PIWIL4: variants seen among roughly 807,000 people sequenced by gnomAD.
PIWIL4 encodes piwi-like protein 4.
PIWIL4 carries 50 observed loss-of-function variants against 100.9 expected under a neutral mutation model. That is an observed-to-expected ratio of 0.50 (90% CI 0.39 to 0.63). The LOEUF (loss-of-function observed/expected upper bound fraction) is 0.63, where lower values mean the gene tolerates loss of function less well. Ranked by LOEUF, PIWIL4 falls within the 20% of genes least tolerant of loss-of-function variation. The pLI, the probability that PIWIL4 is intolerant of heterozygous loss-of-function variation, is 0.00. For missense variants in PIWIL4, 887 were observed against 1,043.3 expected (o/e 0.85, Z 2.06); for synonymous variants, 342 against 367.5 (o/e 0.93, Z 0.79).
Position 94,577,408 on chromosome 11 carries a change from AC to A in PIWIL4, c.430del (p.Leu144PhefsTer25). 2.5e-6 allele frequency: 4 copies of A among 1,614,136 alleles called. No homozygotes were observed. The highest frequency in any genetic ancestry group is 3.4e-6 in the Non-Finnish European group (4 of 1,180,010). On this transcript the variant is annotated frameshift_variant, in exon 4 of 20. Transcript: ENST00000299001. LOFTEE classifies it high-confidence loss of function. ...LASRRLRIAL[L>X]YSHSELSNKA... ...CATCTAGAAGGCTGAGAATTGCTTT[AC>A]TTTATAGTCATAGTGAACTTTCCAA...
chr11:94,588,139 G>A (rs530712677), intron 7 of PIWIL4, among the ~76,000 whole-genome samples: 19 of 151,622 alleles, frequency 1.3e-4, no homozygotes, highest in Admixed American at 9.9e-4. Context: ...AGGCCCCAGC[G>A]TGTGTTTTTC....
In PIWIL4 at chr11:94,574,135, A is replaced by G. The variant is rs146193214; in HGVS notation, c.167-864A>G. Among the ~76,000 whole-genome samples the G allele has an allele frequency of 2.9e-4, 44 of 152,352 alleles. No individual in the cohort carries two copies. In the East Asian group the frequency reaches 7.5e-3, roughly 26 times the overall value. ...GTCAGCATCCCCCGTACTAATTTAA[A>G]CAGAAAATACTCATTTGGAAACAGA... On this transcript the variant is annotated intron_variant, in intron 2 of 19. Coordinates refer to ENST00000299001, the MANE Select transcript of PIWIL4 (RefSeq NM_152431.3).
At chr11:94,595,509 G>C in intron 10 of PIWIL4, 83 bp downstream of exon 10, 1 of 1,063,174 alleles carries the variant, frequency 9.4e-7, no homozygotes, top group Non-Finnish European at 1.4e-6. Flanking sequence ...ATTCCTTGAA[G>C]GAAATGTGTC....
chr11:94,579,564 C>T (rs1948286355), intron 4 of PIWIL4, among the ~76,000 whole-genome samples: 1 of 152,154 alleles, frequency 6.6e-6, no homozygotes, highest in Non-Finnish European at 1.5e-5. Context: ...AATTTTTAGA[C>T]TCTAGGTAAG....
chr11:94,610,070 C>T (rs371388701), intron 15 of PIWIL4, among the ~76,000 whole-genome samples: 2 of 152,142 alleles, frequency 1.3e-5, no homozygotes, highest in East Asian at 1.9e-4. Flanking sequence ...ATCTTCTACT[C>T]TCTGTTTCTA....
chr11:94,575,485 C>T (rs1948224960), intron 3 of PIWIL4, among the ~76,000 whole-genome samples: 1 of 152,128 alleles, frequency 6.6e-6, no homozygotes, highest in Admixed American at 6.5e-5. Flanking sequence ...ATTCTTTACC[C>T]AGATTCCAGG....
At chr11:94,616,470 T>C (rs749371971) in intron 15 of PIWIL4, 23 bp from the exon 16 acceptor site, 68 of 1,562,450 alleles carry the variant, frequency 4.4e-5, no homozygotes, top group Non-Finnish European at 5.7e-5. Flanking sequence ...GAATTTTACT[T>C]TTATTTTTTT....
intron 17 of PIWIL4, among the ~76,000 whole-genome samples, chr11:94,619,333 A>G (rs567773653): frequency 6.6e-6 from 1 of 152,354 alleles, no homozygotes; most frequent in East Asian, 1.9e-4. Flanking sequence ...AGGGATGACA[A>G]GAGGAATAGG....
chr11:94,616,423 A>T, intron 15 of PIWIL4, 70 bp from the exon 16 acceptor site: 1 of 1,248,914 alleles, frequency 8.0e-7, no homozygotes, highest in East Asian at 2.6e-5. Context: ...TTCTTAATTT[A>T]ATATTAATGA....
In PIWIL4 at chr11:94,567,470, C is replaced by G. The variant is rs1948089799; in HGVS notation, c.-49C>G. On this transcript the variant is annotated 5_prime_UTR_variant, in exon 1 of 20. Coordinates refer to ENST00000299001, the MANE Select transcript of PIWIL4 (RefSeq NM_152431.3). ...ATCTGTAGCCAAAGCAAAACATATC[C>G]TAACTGAGACTTTGCAGCTCTTGTG... The G allele has an allele frequency of 6.9e-7, 1 of 1,458,608 alleles. No individual in the cohort carries two copies. The highest frequency in any genetic ancestry group is 2.3e-5 in the Admixed American group (1 of 43,542). The allele number at this position is 1,458,608 out of a possible 1,614,324, so 90.4% of individuals were successfully genotyped here.
intron 19 of PIWIL4, among the ~76,000 whole-genome samples, chr11:94,620,502 G>C (rs370358625): frequency 6.6e-6 from 1 of 152,214 alleles, no homozygotes; most frequent in Non-Finnish European, 1.5e-5. Context: ...TGGTGGGGAA[G>C]TGTTAACAGG....
chr11:94,585,540 A>G lies in PIWIL4; in HGVS notation c.716+15A>G. On this transcript the variant is annotated intron_variant, in intron 6 of 19. Transcript: ENST00000299001. Reference sequence around the variant, plus strand: ...CCCCAGCACAAGTAGGTTTATTTATATTTTCTGTTACTCCGAAATTATTAT... The same window carrying G: ...CCCCAGCACAAGTAGGTTTATTTATGTTTTCTGTTACTCCGAAATTATTAT... 1 of 1,563,720 alleles carries G rather than the reference A, an allele frequency of 6.4e-7. No homozygotes were observed. Among genetic ancestry groups the G allele is most frequent in the Non-Finnish European group, 8.8e-7 (1 of 1,142,240 alleles).
Position 94,595,294 on chromosome 11 carries a change from A to G in PIWIL4, c.1151-15A>G, listed in dbSNP as rs747131089. The G allele has an allele frequency of 1.9e-6, 3 of 1,606,968 alleles. No individual in the cohort carries two copies. Among genetic ancestry groups the G allele is most frequent in the Non-Finnish European group, 2.6e-6 (3 of 1,174,336 alleles). ...ATGTTCATTTTCTCACTTTGTCTTCATTTGCATTTAATAGGGCTGACTGAC... is the reference window on the plus strand; with the variant it reads ...ATGTTCATTTTCTCACTTTGTCTTCGTTTGCATTTAATAGGGCTGACTGAC... On this transcript the variant is annotated splice_polypyrimidine_tract_variant and intron_variant, in intron 9 of 19. Coordinates refer to ENST00000299001, the MANE Select transcript of PIWIL4 (RefSeq NM_152431.3).
intron 13 of PIWIL4, among the ~76,000 whole-genome samples, chr11:94,606,949 G>A (rs796318289): frequency 4.6e-5 from 7 of 151,910 alleles, no homozygotes; most frequent in African/African-American, 1.7e-4. Flanking sequence ...CTTTATTTTG[G>A]TTATCTTGTA....
intron 4 of PIWIL4, among the ~76,000 whole-genome samples, chr11:94,582,132 A>G (rs1249352572): frequency 6.6e-6 from 1 of 152,100 alleles, no homozygotes; most frequent in African/African-American, 2.4e-5. Context: ...GGCGGGGCTG[A>G]AGAGTTTGCT....
chr11:94,613,992 A>G (rs568957887), intron 15 of PIWIL4, among the ~76,000 whole-genome samples: 13 of 151,892 alleles, frequency 8.6e-5, no homozygotes, highest in African/African-American at 3.1e-4. Flanking sequence ...TCAAACTCCT[A>G]ACCTCCTGAT....
chr11:94,603,443 G>A (rs942506633), intron 12 of PIWIL4, among the ~76,000 whole-genome samples: 2 of 152,200 alleles, frequency 1.3e-5, no homozygotes, highest in Non-Finnish European at 2.9e-5. Flanking sequence ...TAATTGTTAA[G>A]TACTTGTGCG....
In PIWIL4 at chr11:94,610,304, A is replaced by G. The variant is rs546070288; in HGVS notation, c.1943+1618A>G. Among the ~76,000 whole-genome samples, 29 of 152,240 alleles carry G rather than the reference A, an allele frequency of 1.9e-4. No individual in the cohort carries two copies. The East Asian group carries it at 3.5e-3, about 18-fold the overall frequency. ...GTCACAGGTTGATTCTATCTTGGCTATTGAACATGGGAATGTAGATATCTG... is the reference window on the plus strand; with the variant it reads ...GTCACAGGTTGATTCTATCTTGGCTGTTGAACATGGGAATGTAGATATCTG... On this transcript the variant is annotated intron_variant, in intron 15 of 19. Coordinates refer to ENST00000299001, the MANE Select transcript of PIWIL4 (RefSeq NM_152431.3).
intron 8 of PIWIL4, among the ~76,000 whole-genome samples, chr11:94,593,053 T>C (rs7105507): frequency 0.072 from 10,930 of 152,260 alleles, 781 homozygotes; most frequent in African/African-American, 0.18. Context: ...GTAAGGACAG[T>C]CATGCTGTTT....
Sources: gnomAD v4.1 joint callset for allele counts (sites outside exome capture counted in the v4.1 genomes callset) on GRCh38, gnomAD v4.1.1 for gene constraint, MANE v1.5 for transcripts, NCBI Gene and HGNC (gene_info 2026-07-23, HGNC 2026-07-21) for gene names.